The following PDE4B variants were observed in gnomAD, a reference collection of about 807,000 sequenced individuals.
PDE4B encodes phosphodiesterase 4B, also known as 3',5'-cyclic-AMP phosphodiesterase 4B.
In PDE4B, 20 loss-of-function variants were observed where a neutral mutation model predicts 82.2. The observed-to-expected ratio is 0.24, with a 90% CI of 0.17 to 0.35. PDE4B has a LOEUF of 0.35. Ranked by LOEUF, PDE4B falls within the 10% of genes least tolerant of loss-of-function variation. The probability of loss-of-function intolerance (pLI) is 1.00; values close to 1 mark genes in which losing one functional copy is unlikely to be tolerated. For synonymous variants in PDE4B, 320 were observed against 318.9 expected (o/e 1.00, Z -0.04); for missense variants, 655 against 907.2 (o/e 0.72, Z 3.57).
intron 3 of PDE4B, among the ~76,000 whole-genome samples, chr1:65,939,325 C>A (rs765396127): frequency 6.6e-6 from 1 of 152,050 alleles, no homozygotes; most frequent in Non-Finnish European, 1.5e-5. Flanking sequence ...AATGAAGAGG[C>A]ATCCTCCTCC....
intron 3 of PDE4B, among the ~76,000 whole-genome samples, chr1:66,114,656 G>A (rs939699640): frequency 3.3e-5 from 4 of 122,862 alleles, no homozygotes; most frequent in African/African-American, 1.3e-4. Context: ...TTTTTTTTGA[G>A]ACGGAGTCTG....
Position 66,129,665 on chromosome 1 carries a change from A to AAAAAAAC in PDE4B, c.282-117789_282-117788insCAAAAAA, listed in dbSNP as rs1557582309. 5.3e-5 allele frequency among the ~76,000 whole-genome samples: 5 copies of AAAAAAAC among 94,714 alleles called. No individual in the cohort carries two copies. The South Asian group carries it at 1.1e-3, about 20-fold the overall frequency. 62.1% of individuals were successfully genotyped at this position (94,714 alleles called of 152,430 possible). A position where few individuals can be genotyped will look rare whatever the true frequency, so the allele number is the denominator to read the frequency against. On this transcript the variant is annotated intron_variant, in intron 3 of 16. Transcript: ENST00000341517. ...ACAGAGCGAGACTCCGTCTCAAAAA[A>AAAAAAAC]AAAAAAACAAAAAAACAAAAAAACA...
chr1:66,140,695 A>G (rs969060343), intron 3 of PDE4B, among the ~76,000 whole-genome samples: 2 of 152,212 alleles, frequency 1.3e-5, no homozygotes, highest in Non-Finnish European at 2.9e-5. Context: ...ATTTGAGGAT[A>G]AGAGGGTATT....
intron 1 of PDE4B, among the ~76,000 whole-genome samples, chr1:65,891,996 A>G (rs1024242497): frequency 1.3e-5 from 2 of 152,054 alleles, no homozygotes; most frequent in African/African-American, 2.4e-5. Context: ...AAGCTGATCT[A>G]TTAATCTCAT....
intron 3 of PDE4B, among the ~76,000 whole-genome samples, chr1:65,919,948 A>G (rs191873007): frequency 1.3e-5 from 2 of 152,346 alleles, no homozygotes; most frequent in African/African-American, 4.8e-5. Context: ...GAATCATGCT[A>G]AAACATTTTA....
intron 9 of PDE4B, among the ~76,000 whole-genome samples, 192 bp downstream of exon 9, chr1:66,355,812 A>G (rs1321298490): frequency 1.3e-5 from 2 of 152,200 alleles, no homozygotes; most frequent in East Asian, 3.8e-4. Context: ...TTGAAAAAAA[A>G]GAATTAAAAT....
chr1:65,796,954 CA>C (rs1456968351), intron 1 of PDE4B, among the ~76,000 whole-genome samples: 5 of 104,152 alleles, frequency 4.8e-5, no homozygotes, highest in African/African-American at 1.1e-4. Flanking sequence ...TAGCCTGAAA[CA>C]TTTTTTTTTT....
intron 1 of PDE4B, among the ~76,000 whole-genome samples, chr1:65,876,428 C>T (rs760902936): frequency 6.6e-6 from 1 of 151,790 alleles, no homozygotes; most frequent in Non-Finnish European, 1.5e-5. Context: ...TATATATATA[C>T]ATATTACATG....
chr1:66,082,283 C>G (rs1448068844), intron 3 of PDE4B, among the ~76,000 whole-genome samples: 2 of 152,082 alleles, frequency 1.3e-5, no homozygotes, highest in Non-Finnish European at 2.9e-5. Context: ...TTTGTTCTCT[C>G]TGGGCTCCTT....
intron 3 of PDE4B, among the ~76,000 whole-genome samples, chr1:65,986,094 C>G (rs1317611): frequency 0.28 from 42,980 of 151,992 alleles, 6,251 homozygotes; most frequent in East Asian, 0.45. Flanking sequence ...AAGACAGTAA[C>G]AAAAATGCAG....
At chr1:66,160,720 GCCAA>G (rs2101255560) in intron 3 of PDE4B, among the ~76,000 whole-genome samples, 1 of 152,266 alleles carries the variant, frequency 6.6e-6, no homozygotes, top group East Asian at 1.9e-4. Flanking sequence ...TTGTAAAATG[GCCAA>G]GTTGAAATCT....
chr1:66,239,196 A>G (rs1456691493), intron 3 of PDE4B, among the ~76,000 whole-genome samples: 1 of 152,216 alleles, frequency 6.6e-6, no homozygotes, highest in African/African-American at 2.4e-5. Context: ...AGAGCATTTA[A>G]CGATCTCTTA....
chr1:66,007,713 A>G (rs764335548), intron 3 of PDE4B, among the ~76,000 whole-genome samples: 11 of 152,202 alleles, frequency 7.2e-5, no homozygotes, highest in Non-Finnish European at 1.3e-4. Flanking sequence ...GGTAGGAAAT[A>G]TCTCCTAAGA....
intron 3 of PDE4B, among the ~76,000 whole-genome samples, chr1:66,175,465 G>A (rs561774972): frequency 7.9e-5 from 12 of 152,192 alleles, no homozygotes; most frequent in African/African-American, 2.9e-4. Flanking sequence ...AAATAAAACC[G>A]GTAAAATAGT....
At chr1:66,032,799 C>T (rs745531731) in intron 3 of PDE4B, among the ~76,000 whole-genome samples, 9 of 151,902 alleles carry the variant, frequency 5.9e-5, no homozygotes, top group Admixed American at 3.3e-4. Context: ...GGACTACAGG[C>T]GCCTGCCACC....
At chr1:66,095,541 T>G (rs1392867001) in intron 3 of PDE4B, among the ~76,000 whole-genome samples, 5 of 151,902 alleles carry the variant, frequency 3.3e-5, no homozygotes, top group African/African-American at 1.2e-4. Context: ...AGTGACAAGA[T>G]TCACAGAAAA....
chr1:65,923,006 C>T (rs1035664284), intron 3 of PDE4B, among the ~76,000 whole-genome samples: 1 of 151,944 alleles, frequency 6.6e-6, no homozygotes, highest in South Asian at 2.1e-4. Flanking sequence ...CCCCCCAACC[C>T]CCTCCCCCAC....
intron 3 of PDE4B, among the ~76,000 whole-genome samples, chr1:66,204,555 C>A (rs923758330): frequency 3.9e-5 from 6 of 152,216 alleles, no homozygotes; most frequent in Admixed American, 6.5e-5. Flanking sequence ...TGGCAGGTGC[C>A]CCTCCCCCAG....
rs764907832 is a variant in PDE4B, at chr1:66,372,604, C to A, written c.2137C>A (p.Pro713Thr). The change falls in exon 17 of 17, where the codon CCA (proline) becomes ACA (threonine). Residue 713 changes from proline to threonine, a missense_variant. Pro to Thr is a conservative substitution (Grantham distance 38, BLOSUM62 -1). Around this residue, in one of 3 missense-constraint regions of PDE4B, gnomAD observed 119 missense variants for 115.2 expected, o/e 1.03. Transcript: ENST00000341517. ...SSTKTLCVID[P>T]ENRDSLGETD... ...CACAAAGACGCTTTGTGTGATTGAT[C>A]CAGAAAACAGAGATTCCCTGGGAGA... 1 of 1,614,082 alleles carries A rather than the reference C, an allele frequency of 6.2e-7. No homozygotes were observed. Among genetic ancestry groups the A allele is most frequent in the Non-Finnish European group, 8.5e-7 (1 of 1,179,950 alleles).
Sources: gnomAD v4.1 joint callset for allele counts (sites outside exome capture counted in the v4.1 genomes callset) on GRCh38, gnomAD v4.1.1 for gene constraint, gnomAD v4.1.1 regional missense constraint, MANE v1.5 for transcripts, NCBI Gene and HGNC (gene_info 2026-07-23, HGNC 2026-07-21) for gene names.